The following LAMB2 variants were observed in gnomAD, a reference collection of about 807,000 sequenced individuals.
The protein encoded by LAMB2 is laminin subunit beta-2.
Under a neutral mutation model 202.7 loss-of-function variants are expected in LAMB2, and 119 were observed. That is an observed-to-expected ratio of 0.59 (90% CI 0.51 to 0.68). The LOEUF (loss-of-function observed/expected upper bound fraction) is 0.68. Ranked by LOEUF, LAMB2 falls within the 30% of genes least tolerant of loss-of-function variation. LAMB2 has a pLI of 0.00. For missense variants in LAMB2, 2,124 were observed against 2,410.6 expected, an observed-to-expected ratio of 0.88 and a Z score of 2.49; for synonymous variants, 818 against 902.2, an observed-to-expected ratio of 0.91 and a Z score of 1.67.
In LAMB2 at chr3:49,129,976, C is replaced by T; in HGVS notation, c.1268G>A (p.Cys423Tyr). 1 of 1,614,116 alleles carries T rather than the reference C, an allele frequency of 6.2e-7. No homozygotes were observed. Among genetic ancestry groups the T allele is most frequent in the Non-Finnish European group, 8.5e-7 (1 of 1,180,038 alleles). The change falls in exon 10 of 32, where the codon TGT becomes TAT. Residue 423 changes from cysteine to tyrosine, a missense_variant. Physicochemically the swap from Cys to Tyr is radical, Grantham distance 194. Transcript: ENST00000305544. This position sits in a 1 kb window ranked among gnomAD's most constrained non-coding sequence, Gnocchi z 6.1. ...DPMGSQDGGR[C>Y]DSHDDPALGL... The stretch of plus-strand genomic sequence containing the variant: ...CAGTGCAGGGTCATCATGGGAATCA[C>T]AGCGACCACCGTCTTGAGAACCCAT...
Position 49,126,403 on chromosome 3 carries a change from C to T in LAMB2, c.2113G>A (p.Glu705Lys). 1 of 1,614,186 alleles carries T rather than the reference C, an allele frequency of 6.2e-7. No individual in the cohort carries two copies. The highest frequency in any genetic ancestry group is 2.2e-5 in the East Asian group (1 of 44,888). The change falls in exon 16 of 32, where the codon GAG becomes AAG. Residue 705 changes from glutamate (E) to lysine (K), a missense_variant. Physicochemically the swap from Glu to Lys is moderately conservative, Grantham distance 56. Coordinates refer to ENST00000305544, the MANE Select transcript of LAMB2 (RefSeq NM_002292.4). ...AGGCCAGGTCCAGAGTAGGGAGTCTCAGGCTGGGCACTTCCCCCTGTCCGT... is the reference window on the plus strand; with the variant it reads ...AGGCCAGGTCCAGAGTAGGGAGTCTTAGGCTGGGCACTTCCCCCTGTCCGT... Reference protein sequence around the residue: ...LVRTGGSAQPETPYSGPGLLI... With the variant: ...LVRTGGSAQPKTPYSGPGLLI...
In LAMB2 at chr3:49,122,729, G is replaced by A. The variant is rs988180154; in HGVS notation, c.4548C>T (p.Ile1516=). ...GGTTGAGGAAGTCCTTCACACTCTG[G>A]ATAAGTTCTTGAAGTTCCTGGTTGG... The part of the protein sequence containing the change: ...EQANQELQEL[I]QSVKDFLNQE... Residue 1516 remains isoleucine (I), a synonymous_variant, in exon 27 of 32, where the codon ATC becomes ATT. Transcript: ENST00000305544. 6.2e-7 allele frequency: 1 copy of A among 1,614,106 alleles called. No individual in the cohort carries two copies. The highest frequency in any genetic ancestry group is 8.5e-7 in the Non-Finnish European group (1 of 1,179,978).
chr3:49,123,961 A>G lies in LAMB2; in HGVS notation c.3564T>C (p.His1188=). 6.2e-7 allele frequency: 1 copy of G among 1,613,400 alleles called. No homozygotes were observed. Among genetic ancestry groups the G allele is most frequent in the South Asian group, 1.1e-5 (1 of 91,088 alleles). ...RGFSGIFPAC[H]PCHACFGDWD... ...AATCCCCGAAGCATGCATGGCAGGG[A>G]TGGCAGGCAGGAAAGATTCCTGAGA... The change falls in exon 24 of 32, where the codon CAT becomes CAC. Residue 1188 remains histidine (H), a synonymous_variant. Transcript: ENST00000305544.
rs759756321 is a variant in LAMB2, at chr3:49,123,789, C to T, written c.3736G>A (p.Gly1246Ser). 4 of 1,613,216 alleles carry T rather than the reference C, an allele frequency of 2.5e-6. No homozygotes were observed. The highest frequency in any genetic ancestry group is 3.4e-6 in the Non-Finnish European group (4 of 1,180,030). ...GAGGCGGCTGAGGTGTTGCGGGCAC[C>T]TACGATGCCCTGCACAATGCCCAGC... The part of the protein sequence containing the change: ...EKLGIVQGIV[G>S]ARNTSAASTA... The change falls in exon 24 of 32, where the codon GGT becomes AGT. Residue 1246 changes from glycine (G) to serine (S), a missense_variant. This residue lies in a region of LAMB2 where 1,702 missense variants were observed against 1,896.3 expected (regional missense o/e 0.90). Transcript: ENST00000305544.
rs1425785671 is a variant in LAMB2, at chr3:49,122,303, A to C, written c.4641T>G (p.Ala1547=). ...ATRVLELSIP[A]SAEQIQHLAG... ...CCAGGTGCTGGATCTGCTCAGCTGA[A>C]GCTGGGATGGAGAGCTCTAGCACCC... Residue 1547 remains alanine (A), a synonymous_variant, in exon 28 of 32, where the codon GCT becomes GCG. Coordinates refer to ENST00000305544, the MANE Select transcript of LAMB2 (RefSeq NM_002292.4). 6.2e-7 allele frequency: 1 copy of C among 1,613,472 alleles called. No individual in the cohort carries two copies. Among genetic ancestry groups the C allele is most frequent in the Non-Finnish European group, 8.5e-7 (1 of 1,180,042 alleles).
Position 49,121,932 on chromosome 3 carries a change from G to T in LAMB2, c.4923+12C>A. The T allele has an allele frequency of 6.2e-7, 1 of 1,613,818 alleles. No homozygotes were observed. The highest frequency in any genetic ancestry group is 8.5e-7 in the Non-Finnish European group (1 of 1,179,994). On this transcript the variant is annotated intron_variant, in intron 29 of 31. Coordinates refer to ENST00000305544, the MANE Select transcript of LAMB2 (RefSeq NM_002292.4). ...ATAACCTTGTCCCACTGATGTCCTA[G>T]GAAGACCTCACCTGGTACAGGGTCT...
chr3:49,131,017 C>T lies in LAMB2; in HGVS notation c.848G>A (p.Cys283Tyr). ...CTCTGAGGCGTGTCCGTAGCAGAAG[C>T]AGTTGCCACGTACAACCAGCTCATA... ...ALYELVVRGN[C>Y]FCYGHASECA... The change falls in exon 7 of 32, where the codon TGC becomes TAC. Residue 283 changes from cysteine (C) to tyrosine (Y), a missense_variant. Physicochemically the swap from Cys to Tyr is radical, Grantham distance 194. Around this residue, in one of 3 missense-constraint regions of LAMB2, gnomAD observed 256 missense variants for 356.1 expected, o/e 0.72. Coordinates refer to ENST00000305544, the MANE Select transcript of LAMB2 (RefSeq NM_002292.4). The surrounding 1 kb of genome is among the most constrained non-coding windows in gnomAD (Gnocchi z 5.0). 6.2e-7 allele frequency: 1 copy of T among 1,614,014 alleles called. No individual in the cohort carries two copies. Among genetic ancestry groups the T allele is most frequent in the Admixed American group, 1.7e-5 (1 of 60,036 alleles).
At position 49,125,246 on chromosome 3, in the gene LAMB2, G is replaced by C. The variant is rs2045399373; in HGVS notation, c.2720+7C>G. 2 of 1,613,718 alleles carry C rather than the reference G, an allele frequency of 1.2e-6. No homozygotes were observed. Among genetic ancestry groups the C allele is most frequent in the African/African-American group, 1.3e-5 (1 of 74,944 alleles). On this transcript the variant is annotated splice_region_variant and intron_variant, in intron 19 of 31. Transcript: ENST00000305544. ...AACCAACCCACTCATAGCTGCTCCAGTCTCACCTTTCACAGTGCTCACCCC... is the reference window on the plus strand; with the variant it reads ...AACCAACCCACTCATAGCTGCTCCACTCTCACCTTTCACAGTGCTCACCCC...
rs1218135127 is a variant in LAMB2 at position 49,130,277 on chromosome 3, G to C, written c.1179C>G (p.Phe393Leu). The C allele has an allele frequency of 6.2e-7, 1 of 1,614,140 alleles. No individual in the cohort carries two copies. The highest frequency in any genetic ancestry group is 1.3e-5 in the African/African-American group (1 of 74,954). ...GRHCELCRPFFYRDPTKDLRD... is the reference protein window; with the variant it reads ...GRHCELCRPFLYRDPTKDLRD... ...GCAGGTCCTTGGTTGGGTCACGGTA[G>C]AAGAAGGGCCGACAGAGCTCACAGT... Residue 393 changes from phenylalanine to leucine, a missense_variant, in exon 9 of 32, where the codon TTC (phenylalanine) becomes TTG (leucine). Transcript: ENST00000305544. The surrounding 1 kb of genome is among the most constrained non-coding windows in gnomAD (Gnocchi z 5.0).
rs138965154 is a variant in LAMB2, at chr3:49,130,330, C to T, written c.1126G>A (p.Gly376Arg). 5 of 1,614,090 alleles carry T rather than the reference C, an allele frequency of 3.1e-6. No homozygotes were observed. The highest frequency in any genetic ancestry group is 3.4e-6 in the Non-Finnish European group (4 of 1,180,050). The change falls in exon 9 of 32, where the codon GGA (glycine) becomes AGA (arginine). Residue 376 changes from glycine to arginine, a missense_variant. By Grantham distance (125) the Gly-to-Arg change is moderately radical. Transcript: ENST00000305544. This position sits in a 1 kb window ranked among gnomAD's most constrained non-coding sequence, Gnocchi z 5.0. ...CGCCCAGCTGTGTTATGCTGACATC[C>T]ATCACACACACCTCCACTCACATTG... is the stretch of plus-strand genomic sequence containing the variant. The part of the protein sequence containing the change: ...SGNVSGGVCD[G>R]CQHNTAGRHC...
At position 49,127,071 on chromosome 3, in the gene LAMB2, G is replaced by A. The variant is rs553303837; in HGVS notation, c.2019-574C>T. 2.6e-5 allele frequency among the ~76,000 whole-genome samples: 4 copies of A among 152,176 alleles called. No individual in the cohort carries two copies. The South Asian group carries it at 8.3e-4, about 32-fold the overall frequency. ...CGTGACCTTGGCTCACTGCAGCCTT[G>A]ACCTCCTGGGTTCAAGATATCCTCC... On this transcript the variant is annotated intron_variant, in intron 15 of 31. Transcript: ENST00000305544.
At position 49,129,126 on chromosome 3, in the gene LAMB2, T is replaced by C. The variant is rs758802676; in HGVS notation, c.1625A>G (p.His542Arg). 3 of 1,613,924 alleles carry C rather than the reference T, an allele frequency of 1.9e-6. No individual in the cohort carries two copies. In the African/African-American group the frequency reaches 4.0e-5, roughly 22 times the overall value. ...PQCDEGTGQCHCRQHMVGRRC... is the reference protein window; with the variant it reads ...PQCDEGTGQCRCRQHMVGRRC... ...TCGCCCAACCATGTGCTGGCGGCAG[T>C]GGCATTGACCTGTGCCCTCATCACA... The change falls in exon 13 of 32, where the codon CAC (histidine) becomes CGC (arginine). Residue 542 changes from histidine (H) to arginine (R), a missense_variant. His to Arg is a conservative substitution (Grantham distance 29). This residue lies in a region of LAMB2 where 1,702 missense variants were observed against 1,896.3 expected (regional missense o/e 0.90). Transcript: ENST00000305544. The surrounding 1 kb of genome is among the most constrained non-coding windows in gnomAD (Gnocchi z 6.1).
chr3:49,123,102 C>T (rs375307304), intron 26 of LAMB2, 30 bp downstream of exon 26: 2 of 1,607,880 alleles, frequency 1.2e-6, no homozygotes. Flanking sequence ...CATCTACACC[C>T]ACCTGCCCCA....
intron 15 of LAMB2, among the ~76,000 whole-genome samples, chr3:49,127,462 G>A (rs1057509049): frequency 3.3e-5 from 5 of 151,720 alleles, no homozygotes; most frequent in East Asian, 1.9e-4. Context: ...TTGGGAGGCC[G>A]AGAAAGGTGG....
rs756027369 is a variant in LAMB2 at position 49,124,562 on chromosome 3, CAGG to C, written c.3157_3159del (p.Pro1053del). The C allele has an allele frequency of 6.1e-4, 990 of 1,613,722 alleles. No individual in the cohort carries two copies. Among genetic ancestry groups the C allele is most frequent in the Non-Finnish European group, 7.7e-4 (904 of 1,180,016 alleles). On this transcript the variant is annotated inframe_deletion, in exon 22 of 32. Transcript: ENST00000305544. ...CTGCTTGGATCACAGTGGCACTGGT[CAGG>C]AGATGGGCACTGCTGCGGATTTGTG...
rs2107636063 is a variant in LAMB2 at position 49,122,740 on chromosome 3, G to A, written c.4537C>T (p.Gln1513Ter). Reference sequence around the variant, plus strand: ...TCCTTCACACTCTGGATAAGTTCTTGAAGTTCCTGGTTGGCCTGTTCCACC... The same window carrying A: ...TCCTTCACACTCTGGATAAGTTCTTAAAGTTCCTGGTTGGCCTGTTCCACC... ...GQVEQANQEL[Q>*]ELIQSVKDFL... Residue 1513 changes from glutamine (Q) to a stop codon, truncating the protein, a stop_gained, in exon 27 of 32, where the codon CAA becomes TAA. Coordinates refer to ENST00000305544, the MANE Select transcript of LAMB2 (RefSeq NM_002292.4). LOFTEE classifies it high-confidence loss of function. The A allele has an allele frequency of 6.2e-7, 1 of 1,614,170 alleles. No individual in the cohort carries two copies. The highest frequency in any genetic ancestry group is 1.6e-4 in the Middle Eastern group (1 of 6,062).
At position 49,125,909 on chromosome 3, in the gene LAMB2, G is replaced by A; in HGVS notation, c.2345-19C>T. The A allele has an allele frequency of 6.2e-7, 1 of 1,614,090 alleles. No individual in the cohort carries two copies. Among genetic ancestry groups the A allele is most frequent in the Non-Finnish European group, 8.5e-7 (1 of 1,180,008 alleles). ...TGACATGCTGTGGGGAGGAGGGTTGGGCCAAGTCAGGCTGGGTCCCCACCT... is the reference window on the plus strand; with the variant it reads ...TGACATGCTGTGGGGAGGAGGGTTGAGCCAAGTCAGGCTGGGTCCCCACCT... On this transcript the variant is annotated intron_variant, in intron 17 of 31. Transcript: ENST00000305544.
At position 49,131,827 on chromosome 3, in the gene LAMB2, G is replaced by T; in HGVS notation, c.460-104C>A. 8.1e-7 allele frequency: 1 copy of T among 1,235,876 alleles called. No homozygotes were observed. Among genetic ancestry groups the T allele is most frequent in the Non-Finnish European group, 1.2e-6 (1 of 865,866 alleles). The allele number at this position is 1,235,876 out of a possible 1,614,324, so 76.6% of individuals were successfully genotyped here. On this transcript the variant is annotated intron_variant, in intron 4 of 31. Coordinates refer to ENST00000305544, the MANE Select transcript of LAMB2 (RefSeq NM_002292.4). This position sits in a 1 kb window ranked among gnomAD's most constrained non-coding sequence, Gnocchi z 5.0. Reference sequence around the variant, plus strand: ...CAAGACTGCCCTCAAATAGCTCACAGAGAGTGGGGGTGACTGGTGGAAGCC... The same window carrying T: ...CAAGACTGCCCTCAAATAGCTCACATAGAGTGGGGGTGACTGGTGGAAGCC...
At position 49,123,037 on chromosome 3, in the gene LAMB2, C is replaced by T. The variant is rs1211823534; in HGVS notation, c.4240G>A (p.Gly1414Arg). ...DINELVCGAPGDAPCATSPCG... is the reference protein window; with the variant it reads ...DINELVCGAPRDAPCATSPCG... ...GGGCTTGTAGCACAGGGTGCATCCC[C>T]TGGTGCCCCACACACCTGCCAGGCA... Residue 1414 changes from glycine to arginine, a missense_variant, in exon 27 of 32, where the codon GGG becomes AGG. Around this residue, in one of 3 missense-constraint regions of LAMB2, gnomAD observed 1,702 missense variants for 1,896.3 expected, o/e 0.90. Transcript: ENST00000305544. 6.2e-7 allele frequency: 1 copy of T among 1,607,540 alleles called. No homozygotes were observed. The highest frequency in any genetic ancestry group is 8.5e-7 in the Non-Finnish European group (1 of 1,179,992).
Sources: gnomAD v4.1 joint callset for allele counts (sites outside exome capture counted in the v4.1 genomes callset) on GRCh38, gnomAD v4.1.1 for gene constraint, gnomAD v4.1.1 regional missense constraint, Gnocchi (gnomAD v3.1) non-coding constraint, MANE v1.5 for transcripts, NCBI Gene and HGNC (gene_info 2026-07-23, HGNC 2026-07-21) for gene names.